The following NLGN4X variants were observed in gnomAD, a reference collection of about 807,000 sequenced individuals.
NLGN4X encodes neuroligin-4, X-linked.
In NLGN4X, 3 loss-of-function variants were observed where a neutral mutation model predicts 40.3. That is an observed-to-expected ratio of 0.07 (90% CI 0.03 to 0.19). The LOEUF is 0.19. NLGN4X is among the 10% of genes least tolerant of loss of function. The probability of loss-of-function intolerance (pLI) is 1.00; values close to 1 mark genes in which losing one functional copy is unlikely to be tolerated. For synonymous variants in NLGN4X, 270 were observed against 306.8 expected (o/e 0.88, Z 1.25); for missense variants, 382 against 708.3 (o/e 0.54, Z 5.23).
At position 6,135,559 on chromosome X, in the gene NLGN4X, A is replaced by G. The variant is rs750582149; in HGVS notation, c.472+15436T>C. 8.1e-5 allele frequency among the ~76,000 whole-genome samples: 9 copies of G among 111,314 alleles called. No individual in the cohort carries two copies. The East Asian group carries it at 2.3e-3, about 28-fold the overall frequency. The stretch of plus-strand genomic sequence containing the variant: ...GAGCAATCTTACTTCCATCTACCCT[A>G]AGCCTACTGGACTTACCCAATCTCT... On this transcript the variant is annotated intron_variant, in intron 2 of 5. Transcript: ENST00000381095.
chrX:6,221,108 A>G (rs901948189), intron 1 of NLGN4X, among the ~76,000 whole-genome samples: 2 of 106,380 alleles, frequency 1.9e-5, no homozygotes, highest in Non-Finnish European at 3.9e-5. Flanking sequence ...TTATATTTTT[A>G]GAGATAGGGT....
chrX:6,012,801 AGG>A (rs1272915167), intron 3 of NLGN4X, among the ~76,000 whole-genome samples: 2 of 111,410 alleles, frequency 1.8e-5, no homozygotes, highest in Non-Finnish European at 3.8e-5. Context: ...AAGGCAAGGA[AGG>A]ATCTTTTTCT....
chrX:6,091,356 A>T (rs1310455013), intron 2 of NLGN4X, among the ~76,000 whole-genome samples: 1 of 111,508 alleles, frequency 9.0e-6, no homozygotes, highest in African/African-American at 3.3e-5. Flanking sequence ...CAAATAAGAA[A>T]GTGCAGTGAC....
In NLGN4X at chrX:6,123,101, GA is replaced by G. The variant is rs960997699; in HGVS notation, c.472+27893del. Among the ~76,000 whole-genome samples, 5 of 106,812 alleles carry G rather than the reference GA, an allele frequency of 4.7e-5. No homozygotes were observed. The South Asian group carries it at 1.2e-3, about 25-fold the overall frequency. 92.8% of individuals were successfully genotyped at this position (106,812 alleles called of 115,157 possible). On this transcript the variant is annotated intron_variant, in intron 2 of 5. Coordinates refer to ENST00000381095, the MANE Select transcript of NLGN4X (RefSeq NM_181332.3). ...AGGCTGAGAATTTCCCAGAATGAAA[GA>G]AAAAAAAAGGCTTAAAAGTGAAAGT...
chrX:6,105,328 T>G (rs1031664496), intron 2 of NLGN4X, among the ~76,000 whole-genome samples: 2 of 111,836 alleles, frequency 1.8e-5, no homozygotes, highest in East Asian at 5.6e-4. Context: ...ATCTCCTCTT[T>G]AGACAAACTT....
At chrX:6,078,940 G>A (rs750249650) in intron 2 of NLGN4X, among the ~76,000 whole-genome samples, 1 of 111,404 alleles carries the variant, frequency 9.0e-6, no homozygotes, top group East Asian at 2.8e-4. Context: ...GTTCTCATGA[G>A]ATCTGATGGT....
chrX:5,897,742 C>T (rs991257138), intron 5 of NLGN4X, among the ~76,000 whole-genome samples: 2 of 112,189 alleles, frequency 1.8e-5, no homozygotes, highest in African/African-American at 3.2e-5. Flanking sequence ...TTAGAGCCTC[C>T]GTAGGGACTT....
chrX:6,148,505 T>C (rs961555715), intron 2 of NLGN4X, among the ~76,000 whole-genome samples: 1 of 111,374 alleles, frequency 9.0e-6, no homozygotes, highest in Non-Finnish European at 1.9e-5. Flanking sequence ...AAGCTCTGCA[T>C]TGGTTCTTTT....
intron 1 of NLGN4X, among the ~76,000 whole-genome samples, chrX:6,191,091 GTTT>G: frequency 1.0e-5 from 1 of 99,368 alleles, no homozygotes; most frequent in South Asian, 4.4e-4. Context: ...GTTTCAAATT[GTTT>G]TTTTTTTTTT....
At chrX:6,141,915 T>C (rs1424049555) in intron 2 of NLGN4X, among the ~76,000 whole-genome samples, 1 of 112,183 alleles carries the variant, frequency 8.9e-6, no homozygotes, top group East Asian at 2.8e-4. Flanking sequence ...ACCAGCAATA[T>C]TAATTGACAA....
intron 4 of NLGN4X, among the ~76,000 whole-genome samples, chrX:5,907,928 G>C (rs2032281969): frequency 9.6e-6 from 1 of 104,693 alleles, no homozygotes; most frequent in South Asian, 4.7e-4. Context: ...AGAGGGAAAG[G>C]GGGGAAAGAG....
At chrX:6,120,046 G>A (rs1482675045) in intron 2 of NLGN4X, among the ~76,000 whole-genome samples, 1 of 111,449 alleles carries the variant, frequency 9.0e-6, no homozygotes, top group African/African-American at 3.3e-5. Context: ...AGGCAGGTGT[G>A]GTGGAGTGTG....
chrX:6,086,292 T>C (rs1329780244), intron 2 of NLGN4X, among the ~76,000 whole-genome samples: 1 of 112,289 alleles, frequency 8.9e-6, no homozygotes, highest in Non-Finnish European at 1.9e-5. Flanking sequence ...TGCTTTTAAG[T>C]ATATAAAATT....
chrX:6,149,810 T>C (rs1039835581), intron 2 of NLGN4X, among the ~76,000 whole-genome samples: 1 of 111,675 alleles, frequency 9.0e-6, no homozygotes, highest in South Asian at 3.7e-4. Flanking sequence ...TGGTTTTTCA[T>C]GACACTCTAC....
At chrX:6,154,091 C>T (rs192523910) in intron 1 of NLGN4X, among the ~76,000 whole-genome samples, 8 of 111,803 alleles carry the variant, frequency 7.2e-5, no homozygotes, top group African/African-American at 9.7e-5. Flanking sequence ...GTTGTGGGGG[C>T]GTCGCCTGTA....
chrX:6,021,741 TTG>T lies in NLGN4X; in HGVS notation c.625+7537_625+7538del, dbSNP rs199613616. Among the ~76,000 whole-genome samples, 799 of 106,319 alleles carry T rather than the reference TTG, an allele frequency of 7.5e-3. 5 individuals are homozygous for T. Among genetic ancestry groups the T allele is most frequent in the African/African-American group, 0.028 (753 of 26,506 alleles). 92.3% of individuals were successfully genotyped at this position (106,319 alleles called of 115,157 possible). A position where few individuals can be genotyped will look rare whatever the true frequency, so the allele number is the denominator to read the frequency against. ...AAGACATTGTGTTGTGTTTTTTTGTTTGTTTTTTTTTTTGTTTTGCAAAGTGT... is the reference window on the plus strand; with the variant it reads ...AAGACATTGTGTTGTGTTTTTTTGTTTTTTTTTTTTTGTTTTGCAAAGTGT... On this transcript the variant is annotated intron_variant, in intron 3 of 5. Coordinates refer to ENST00000381095, the MANE Select transcript of NLGN4X (RefSeq NM_181332.3).
intron 2 of NLGN4X, among the ~76,000 whole-genome samples, chrX:6,112,162 G>C (rs372978121): frequency 5.4e-5 from 6 of 111,465 alleles, no homozygotes; most frequent in East Asian, 5.7e-4. Context: ...TGTTGCAGAG[G>C]GGGGACAAGG....
intron 3 of NLGN4X, among the ~76,000 whole-genome samples, chrX:5,918,313 C>G (rs920486805): frequency 4.5e-5 from 5 of 111,596 alleles, no homozygotes; most frequent in Admixed American, 9.5e-5. Context: ...CTGTAAAATG[C>G]ACATAAGTAA....
intron 3 of NLGN4X, among the ~76,000 whole-genome samples, chrX:5,922,550 T>C (rs1312425691): frequency 9.0e-6 from 1 of 111,706 alleles, no homozygotes; most frequent in Non-Finnish European, 1.9e-5. Context: ...GTCTTTAAAT[T>C]AAGCAAAACT....
Sources: allele counts gnomAD v4.1 joint callset (sites outside exome capture counted in the v4.1 genomes callset), GRCh38; gene constraint gnomAD v4.1.1; transcripts MANE v1.5; gene names NCBI Gene and HGNC (gene_info 2026-07-23, HGNC 2026-07-21).